Variants in BEND3 observed in about 807,000 individuals in gnomAD.
BEND3 encodes the protein BEN domain-containing protein 3.
In BEND3, 13 loss-of-function variants were observed where a neutral mutation model predicts 60.1. The ratio of observed to expected loss-of-function variants is 0.22; its 90% CI spans 0.14 to 0.34. The LOEUF is 0.34. Among genes scored for constraint, BEND3 ranks in the 10% least tolerant of loss-of-function variants. The pLI, the probability that BEND3 is intolerant of heterozygous loss-of-function variation, is 1.00. For missense variants in BEND3, 896 were observed against 1,138.1 expected (o/e 0.79, Z 3.06); for synonymous variants, 497 against 491.5 (o/e 1.01, Z -0.15).
intron 1 of BEND3, among the ~76,000 whole-genome samples, chr6:107,114,739 G>A (rs1179162062): frequency 6.8e-6 from 1 of 146,042 alleles, no homozygotes; most frequent in Non-Finnish European, 1.5e-5. Context: ...AGTGGGGCGG[G>A]CGGCGGCGGC....
At chr6:107,108,212 C>T (rs1036379937) in intron 1 of BEND3, among the ~76,000 whole-genome samples, 1 of 152,216 alleles carries the variant, frequency 6.6e-6, no homozygotes, top group African/African-American at 2.4e-5. Flanking sequence ...CAGCCAAGCA[C>T]AGCCGCACAA....
chr6:107,091,946 G>A (rs1249299596), intron 3 of BEND3, among the ~76,000 whole-genome samples: 1 of 152,062 alleles, frequency 6.6e-6, no homozygotes, highest in Non-Finnish European at 1.5e-5. Flanking sequence ...TGTCTCCCAC[G>A]TGGCCAGCCT....
At chr6:107,105,711 G>C (rs1329050529) in intron 1 of BEND3, among the ~76,000 whole-genome samples, 19 of 152,194 alleles carry the variant, frequency 1.2e-4, no homozygotes, top group Admixed American at 1.2e-3. Context: ...GCAACCTGGA[G>C]GTTCAAATTC....
intron 3 of BEND3, among the ~76,000 whole-genome samples, chr6:107,073,928 C>T (rs1254731978): frequency 7.2e-5 from 11 of 152,032 alleles, no homozygotes; most frequent in Admixed American, 3.3e-4. Flanking sequence ...AGGAGCTGTT[C>T]TGATAAGAGC....
intron 3 of BEND3, among the ~76,000 whole-genome samples, chr6:107,073,018 C>T (rs1201497656): frequency 2.0e-5 from 3 of 151,276 alleles, no homozygotes; most frequent in Non-Finnish European, 2.9e-5. Context: ...TTCCTAGACT[C>T]TCTCTTTTGG....
chr6:107,106,936 C>CTTT (rs35443143), intron 1 of BEND3, among the ~76,000 whole-genome samples: 2,192 of 128,454 alleles, frequency 0.017, 82 homozygotes, highest in African/African-American at 0.062. Flanking sequence ...TCAAAGAGGG[C>CTTT]TTTTTTTTTT....
intron 3 of BEND3, among the ~76,000 whole-genome samples, chr6:107,087,381 T>C (rs311218): frequency 0.32 from 48,347 of 151,856 alleles, 7,901 homozygotes; most frequent in Admixed American, 0.39. Context: ...TCAGAGGTGG[T>C]AGGGATGCTG....
At chr6:107,076,099 G>A (rs1202134220) in intron 3 of BEND3, among the ~76,000 whole-genome samples, 2 of 152,198 alleles carry the variant, frequency 1.3e-5, no homozygotes, top group African/African-American at 4.8e-5. Flanking sequence ...CACAACACAA[G>A]CACTGAAGAG....
At position 107,068,614 on chromosome 6, in the gene BEND3, C is replaced by T; in HGVS notation, c.*90G>A. 1 of 1,432,848 alleles carries T rather than the reference C, an allele frequency of 7.0e-7. No individual in the cohort carries two copies. Among genetic ancestry groups the T allele is most frequent in the East Asian group, 2.3e-5 (1 of 43,750 alleles). The allele number at this position is 1,432,848 out of a possible 1,614,324, so 88.8% of individuals were successfully genotyped here. ...ACATAAGGTGCCTGTCTGTGGATGCCATAGGCGTGCTCCCAAGTATTGCTC... is the reference window on the plus strand; with the variant it reads ...ACATAAGGTGCCTGTCTGTGGATGCTATAGGCGTGCTCCCAAGTATTGCTC... On this transcript the variant is annotated 3_prime_UTR_variant, in exon 4 of 4. Transcript: ENST00000369042. The surrounding 1 kb of genome is among the most constrained non-coding windows in gnomAD (Gnocchi z 5.8).
At chr6:107,081,081 A>T (rs1390467394) in intron 3 of BEND3, among the ~76,000 whole-genome samples, 2 of 151,880 alleles carry the variant, frequency 1.3e-5, no homozygotes, top group Non-Finnish European at 2.9e-5. Flanking sequence ...CAGTTTTTGT[A>T]TTTTATGTAG....
chr6:107,078,303 T>C (rs1775141092), intron 3 of BEND3, among the ~76,000 whole-genome samples: 1 of 151,924 alleles, frequency 6.6e-6, no homozygotes, highest in African/African-American at 2.4e-5. Context: ...ATGGTCTATG[T>C]CCTGACTGGA....
chr6:107,113,155 TA>T (rs111960167), intron 1 of BEND3, among the ~76,000 whole-genome samples: 82 of 125,482 alleles, frequency 6.5e-4, no homozygotes, highest in Middle Eastern at 6.6e-3. Context: ...AGACTCTGTC[TA>T]AAAAAAAAAA....
intron 1 of BEND3, among the ~76,000 whole-genome samples, chr6:107,112,222 C>T (rs1770120347): frequency 6.6e-6 from 1 of 152,106 alleles, no homozygotes; most frequent in Admixed American, 6.6e-5. Flanking sequence ...TAAAAAGTAG[C>T]AGGTGAGACA....
intron 1 of BEND3, among the ~76,000 whole-genome samples, chr6:107,110,494 G>A (rs1775918713): frequency 6.6e-6 from 1 of 152,174 alleles, no homozygotes; most frequent in Non-Finnish European, 1.5e-5. Flanking sequence ...GAAGGAAAGA[G>A]ACTGTCAGAG....
In BEND3 at chr6:107,065,484, G is replaced by A. The variant is rs567364801; in HGVS notation, c.*3220C>T. 1 of 152,526 alleles carries A rather than the reference G, an allele frequency of 6.6e-6. No homozygotes were observed. The highest frequency in any genetic ancestry group is 1.9e-4 in the East Asian group (1 of 5,170). 9.4% of individuals were successfully genotyped at this position (152,526 alleles called of 1,614,324 possible). A position where few individuals can be genotyped will look rare whatever the true frequency, so the allele number is the denominator to read the frequency against. On this transcript the variant is annotated 3_prime_UTR_variant, in exon 4 of 4. Transcript: ENST00000369042. The stretch of plus-strand genomic sequence containing the variant: ...TTAAGGCTGGATCTACGAGAGGCAA[G>A]TATTTCCCAACAGCAGTAATAGCCC...
chr6:107,079,637 G>T (rs1775182404), intron 3 of BEND3, among the ~76,000 whole-genome samples: 1 of 152,100 alleles, frequency 6.6e-6, no homozygotes, highest in African/African-American at 2.4e-5. Flanking sequence ...GCCCTGCAAG[G>T]GGACAACGGA....
chr6:107,101,022 T>A (rs1178902505), intron 1 of BEND3, among the ~76,000 whole-genome samples: 1 of 152,044 alleles, frequency 6.6e-6, no homozygotes, highest in African/African-American at 2.4e-5. Context: ...GCCAACATGG[T>A]GAAACCCCAT....
chr6:107,110,120 G>A (rs1197831481), intron 1 of BEND3, among the ~76,000 whole-genome samples: 1 of 152,008 alleles, frequency 6.6e-6, no homozygotes, highest in Non-Finnish European at 1.5e-5. Flanking sequence ...CATTGCTTGA[G>A]CCTAGGAGTT....
intron 1 of BEND3, among the ~76,000 whole-genome samples, chr6:107,110,265 CAG>C (rs1219057615): frequency 6.6e-6 from 1 of 152,138 alleles, no homozygotes; most frequent in Non-Finnish European, 1.5e-5. Flanking sequence ...ACAAAATTCA[CAG>C]ACTAACATGC....
Sources: allele counts gnomAD v4.1 joint callset (sites outside exome capture counted in the v4.1 genomes callset), GRCh38; gene constraint gnomAD v4.1.1; non-coding constraint Gnocchi (gnomAD v3.1); transcripts MANE v1.5; gene names NCBI Gene and HGNC (gene_info 2026-07-23, HGNC 2026-07-21).